MAML3: variants seen among roughly 807,000 people sequenced by gnomAD.
MAML3 encodes the protein mastermind-like protein 3.
MAML3 carries 27 observed loss-of-function variants against 101.9 expected under a neutral mutation model. The observed-to-expected ratio is 0.27, with a 90% CI of 0.20 to 0.37. MAML3 has a LOEUF of 0.37. Ranked by LOEUF, MAML3 falls within the 10% of genes least tolerant of loss-of-function variation. The pLI is 1.00. For synonymous variants in MAML3, 501 were observed against 555.9 expected, an observed-to-expected ratio of 0.90 and a Z score of 1.39; for missense variants, 1,316 against 1,444.9, an observed-to-expected ratio of 0.91 and a Z score of 1.45.
chr4:140,093,797 A>G (rs1728104040), intron 1 of MAML3, among the ~76,000 whole-genome samples: 1 of 152,144 alleles, frequency 6.6e-6, no homozygotes, highest in Admixed American at 6.5e-5. Flanking sequence ...CATGTGCTGC[A>G]TTAGGGCTTT....
intron 1 of MAML3, among the ~76,000 whole-genome samples, chr4:140,104,815 C>G (rs966113319): frequency 6.6e-6 from 1 of 151,736 alleles, no homozygotes; most frequent in East Asian, 1.9e-4. Flanking sequence ...TTTTTAAGTA[C>G]CTTAAATAAA....
At chr4:140,053,687 G>A (rs1227297278) in intron 1 of MAML3, among the ~76,000 whole-genome samples, 1 of 152,144 alleles carries the variant, frequency 6.6e-6, no homozygotes, top group Admixed American at 6.5e-5. Flanking sequence ...AATATTTTAG[G>A]TTCTGAGGGC....
intron 1 of MAML3, among the ~76,000 whole-genome samples, chr4:139,896,360 A>G (rs1005853966): frequency 6.6e-6 from 1 of 152,214 alleles, no homozygotes; most frequent in African/African-American, 2.4e-5. Context: ...TCGTGGAAGA[A>G]TCACAGAAAC....
chr4:139,922,189 C>A (rs377003567), intron 1 of MAML3, among the ~76,000 whole-genome samples: 1 of 152,022 alleles, frequency 6.6e-6, no homozygotes, highest in Non-Finnish European at 1.5e-5. Context: ...CTGTCCTCCC[C>A]CTTCTGCTCC....
chr4:140,032,223 C>T (rs1403092657), intron 1 of MAML3, among the ~76,000 whole-genome samples: 1 of 152,162 alleles, frequency 6.6e-6, no homozygotes, highest in East Asian at 1.9e-4. Context: ...TTTAGTTCAA[C>T]CCACTCATTT....
At chr4:139,954,235 T>C (rs1733879860) in intron 1 of MAML3, among the ~76,000 whole-genome samples, 1 of 152,256 alleles carries the variant, frequency 6.6e-6, no homozygotes, top group African/African-American at 2.4e-5. Context: ...GACTAGGTGA[T>C]GCCTGTGAAA....
In MAML3 at chr4:140,010,378, G is replaced by A. The variant is rs114892786; in HGVS notation, c.469-119411C>T. Among the ~76,000 whole-genome samples, 1,464 of 152,206 alleles carry A rather than the reference G, an allele frequency of 9.6e-3. 27 individuals carry two copies. The highest frequency in any genetic ancestry group is 0.032 in the African/African-American group (1,349 of 41,530). On this transcript the variant is annotated intron_variant, in intron 1 of 4. Transcript: ENST00000509479. ...ACACACACATATTTATGTTTGTGCCGTATGGTGTTTTTTAAATGTCAGCGT... is the reference window on the plus strand; with the variant it reads ...ACACACACATATTTATGTTTGTGCCATATGGTGTTTTTTAAATGTCAGCGT...
At chr4:139,865,082 A>G (rs1731871918) in intron 2 of MAML3, among the ~76,000 whole-genome samples, 1 of 152,090 alleles carries the variant, frequency 6.6e-6, no homozygotes, top group African/African-American at 2.4e-5. Flanking sequence ...CTTCAGTTCT[A>G]CCAAGCATAT....
intron 1 of MAML3, among the ~76,000 whole-genome samples, chr4:139,922,653 TCTC>T (rs899739111): frequency 3.3e-4 from 50 of 152,312 alleles, no homozygotes; most frequent in African/African-American, 1.2e-3. Flanking sequence ...TTCTTTTACT[TCTC>T]CTTCTTTTTC....
intron 1 of MAML3, among the ~76,000 whole-genome samples, chr4:140,026,390 G>C (rs1003504992): frequency 2.0e-5 from 3 of 152,080 alleles, no homozygotes; most frequent in Admixed American, 2.0e-4. Flanking sequence ...AAGTAGCTGG[G>C]ATTACAGGCA....
At chr4:139,774,631 A>G (rs1730058831) in intron 2 of MAML3, among the ~76,000 whole-genome samples, 2 of 152,206 alleles carry the variant, frequency 1.3e-5, no homozygotes, top group African/African-American at 4.8e-5. Flanking sequence ...TCAAGACAGG[A>G]AGAGTCTTTA....
chr4:139,771,419 G>A (rs1560789161), intron 2 of MAML3, among the ~76,000 whole-genome samples: 1 of 152,216 alleles, frequency 6.6e-6, no homozygotes, highest in Non-Finnish European at 1.5e-5. Flanking sequence ...ATCAGGTAGT[G>A]AAGAAGTTCT....
intron 1 of MAML3, among the ~76,000 whole-genome samples, chr4:140,132,058 G>A (rs916264126): frequency 6.6e-6 from 1 of 152,228 alleles, no homozygotes; most frequent in African/African-American, 2.4e-5. Context: ...ACCACACAGA[G>A]GTGCCAGGGT....
chr4:140,047,955 C>G (rs1282741332), intron 1 of MAML3, among the ~76,000 whole-genome samples: 1 of 152,182 alleles, frequency 6.6e-6, no homozygotes. Flanking sequence ...CAAAAACATT[C>G]CAGTTCTCAA....
chr4:139,774,025 GGCC>G (rs1730045993), intron 2 of MAML3, among the ~76,000 whole-genome samples: 1 of 152,172 alleles, frequency 6.6e-6, no homozygotes, highest in Admixed American at 6.5e-5. Flanking sequence ...AGCCATAGCA[GGCC>G]ATCCTTTGCA....
intron 1 of MAML3, among the ~76,000 whole-genome samples, chr4:140,046,562 CAT>C (rs1727186014): frequency 6.6e-6 from 1 of 152,190 alleles, no homozygotes; most frequent in South Asian, 2.1e-4. Context: ...GAATTATAGA[CAT>C]AATCTTTCAG....
chr4:140,078,493 C>G (rs1407102287), intron 1 of MAML3, among the ~76,000 whole-genome samples: 1 of 152,106 alleles, frequency 6.6e-6, no homozygotes, highest in Admixed American at 6.6e-5. Context: ...GAGAAGGCCA[C>G]TCCAAGCTTC....
chr4:140,060,575 A>G (rs1727430962), intron 1 of MAML3, among the ~76,000 whole-genome samples: 1 of 152,010 alleles, frequency 6.6e-6, no homozygotes, highest in South Asian at 2.1e-4. Flanking sequence ...ATAGAATGCC[A>G]TTTCAAAGAC....
Position 140,153,307 on chromosome 4 carries a change from G to T in MAML3, c.21C>A (p.Pro7=). MGDFAA[P]AAAANGSSIC... Reference sequence around the variant, plus strand: ...TACTACTGCCATTCGCGGCAGCAGCGGGGGCTGCGAAATCCCCCATCCTGC... The same window carrying T: ...TACTACTGCCATTCGCGGCAGCAGCTGGGGCTGCGAAATCCCCCATCCTGC... Residue 7 remains proline (P), a synonymous_variant, in exon 1 of 5, where the codon CCC becomes CCA. Coordinates refer to ENST00000509479, the MANE Select transcript of MAML3 (RefSeq NM_018717.5). 1.3e-6 allele frequency: 2 copies of T among 1,595,266 alleles called. No individual in the cohort carries two copies. The highest frequency in any genetic ancestry group is 1.7e-6 in the Non-Finnish European group (2 of 1,169,628).
Sources: gnomAD v4.1 joint callset for allele counts (sites outside exome capture counted in the v4.1 genomes callset) on GRCh38, gnomAD v4.1.1 for gene constraint, MANE v1.5 for transcripts, NCBI Gene and HGNC (gene_info 2026-07-23, HGNC 2026-07-21) for gene names.